Variants in FAT3 observed in about 807,000 individuals in gnomAD.
FAT3 encodes FAT atypical cadherin 3.
FAT3 carries 95 observed loss-of-function variants against 310.2 expected under a neutral mutation model. That is an observed-to-expected ratio of 0.31 (90% CI 0.26 to 0.36). The LOEUF (loss-of-function observed/expected upper bound fraction) is 0.36, where lower values mean the gene tolerates loss of function less well. Ranked by LOEUF, FAT3 falls within the 10% of genes least tolerant of loss-of-function variation. The pLI, the probability that FAT3 is intolerant of heterozygous loss-of-function variation, is 1.00. For synonymous variants in FAT3, 2,314 were observed against 2,192.9 expected, an observed-to-expected ratio of 1.06 and a Z score of -1.54; for missense variants, 5,408 against 5,715.6, an observed-to-expected ratio of 0.95 and a Z score of 1.74.
At chr11:92,251,956 A>ATATCTTT (rs1237574268) in intron 1 of FAT3, among the ~76,000 whole-genome samples, 4 of 152,188 alleles carry the variant, frequency 2.6e-5, no homozygotes, top group African/African-American at 9.7e-5. Context: ...TTGGGAAACC[A>ATATCTTT]TATCTTTTCT....
rs190178549 is a variant in FAT3 at position 92,243,825 on chromosome 11, C to G, written c.-18+18651C>G. 2.0e-4 allele frequency among the ~76,000 whole-genome samples: 30 copies of G among 152,134 alleles called. No individual in the cohort carries two copies. In the East Asian group the frequency reaches 5.2e-3, roughly 26 times the overall value. On this transcript the variant is annotated intron_variant, in intron 1 of 27. Coordinates refer to ENST00000525166, the MANE Select transcript of FAT3 (RefSeq NM_001367949.2). ...AACCATGAAATTTTGATTTGGGTAT[C>G]ATTTTTAAACAATGGAACCAATCTT... is the stretch of plus-strand genomic sequence containing the variant.
chr11:92,665,131 TA>T (rs1942910093), intron 3 of FAT3, among the ~76,000 whole-genome samples: 2 of 152,284 alleles, frequency 1.3e-5, no homozygotes, highest in South Asian at 4.1e-4. Context: ...TTTAATATTG[TA>T]AGATGGAAGA....
chr11:92,867,910 T>TA (rs11388066), intron 22 of FAT3, among the ~76,000 whole-genome samples: 126,119 of 151,360 alleles, frequency 0.83, 52,852 homozygotes, highest in African/African-American at 0.91. Context: ...GAGTAGGCAT[T>TA]AAAAAAAAGC....
In FAT3 at chr11:92,851,671, G is replaced by T. The variant is rs1948833114; in HGVS notation, c.11366-5543G>T. Among the ~76,000 whole-genome samples the T allele has an allele frequency of 2.0e-5, 3 of 152,222 alleles. No individual in the cohort carries two copies. The South Asian group carries it at 6.2e-4, about 32-fold the overall frequency. ...GGCGTCAGTTGGTTTGATGAAGTGGGACCCTTCCCCCTTCATGCTTACTGT... is the reference window on the plus strand; with the variant it reads ...GGCGTCAGTTGGTTTGATGAAGTGGTACCCTTCCCCCTTCATGCTTACTGT... On this transcript the variant is annotated intron_variant, in intron 19 of 27. Coordinates refer to ENST00000525166, the MANE Select transcript of FAT3 (RefSeq NM_001367949.2).
intron 1 of FAT3, among the ~76,000 whole-genome samples, chr11:92,248,491 T>C (rs151254555): frequency 6.6e-6 from 1 of 152,270 alleles, no homozygotes; most frequent in Non-Finnish European, 1.5e-5. Context: ...CATATCTGTA[T>C]TGCTAGAATG....
At chr11:92,416,252 C>T (rs1198993298) in intron 2 of FAT3, among the ~76,000 whole-genome samples, 1 of 149,788 alleles carries the variant, frequency 6.7e-6, no homozygotes, top group African/African-American at 2.5e-5. Flanking sequence ...GGTGTGGTGG[C>T]ACGCACCTGT....
intron 13 of FAT3, among the ~76,000 whole-genome samples, chr11:92,829,687 G>A (rs1209418885): frequency 6.6e-6 from 1 of 152,166 alleles, no homozygotes; most frequent in Admixed American, 6.5e-5. Flanking sequence ...CAAGAGAAGA[G>A]GAAAGCTTTC....
chr11:92,698,111 T>A (rs1943992912), intron 4 of FAT3, among the ~76,000 whole-genome samples: 1 of 152,214 alleles, frequency 6.6e-6, no homozygotes, highest in Non-Finnish European at 1.5e-5. Context: ...GTGATTTAAT[T>A]GTGACTGTGT....
rs371844782 is a variant in FAT3, at chr11:92,306,981, T to G, written c.-17-45115T>G. Among the ~76,000 whole-genome samples the G allele has an allele frequency of 5.3e-5, 8 of 150,676 alleles. No homozygotes were observed. In the East Asian group the frequency reaches 1.6e-3, roughly 29 times the overall value. On this transcript the variant is annotated intron_variant, in intron 1 of 27. Transcript: ENST00000525166. ...ATTTTTTTTTTAATTTTATTTGTAG[T>G]AGAGACAGTTTCTCTATGTTGCCCA...
In FAT3 at chr11:92,673,448, G is replaced by C. The variant is rs140264340; in HGVS notation, c.3608-23936G>C. ...TTTAGATAACTCATGGTAGAGTTCA[G>C]GCAAGTACATCAGCAATAACAGGTG... On this transcript the variant is annotated intron_variant, in intron 3 of 27. Transcript: ENST00000525166. 7.5e-3 allele frequency among the ~76,000 whole-genome samples: 1,138 copies of C among 152,248 alleles called. 23 individuals carry two copies. The highest frequency in any genetic ancestry group is 0.026 in the African/African-American group (1,088 of 41,534).
chr11:92,409,887 T>G (rs368423783), intron 2 of FAT3, among the ~76,000 whole-genome samples: 1 of 152,102 alleles, frequency 6.6e-6, no homozygotes, highest in East Asian at 1.9e-4. Context: ...AGAACTTTAA[T>G]TTTTCTGAAT....
intron 1 of FAT3, among the ~76,000 whole-genome samples, chr11:92,290,656 C>G (rs1334576576): frequency 6.6e-6 from 1 of 151,492 alleles, no homozygotes; most frequent in Non-Finnish European, 1.5e-5. Flanking sequence ...CTAAGCTACT[C>G]AGGAGATTGA....
intron 2 of FAT3, among the ~76,000 whole-genome samples, chr11:92,517,347 T>A (rs1009038256): frequency 2.0e-5 from 3 of 152,166 alleles, no homozygotes; most frequent in Non-Finnish European, 4.4e-5. Flanking sequence ...CCATCTGATC[T>A]TTGATAAACC....
intron 1 of FAT3, among the ~76,000 whole-genome samples, chr11:92,347,764 G>T (rs1948455671): frequency 6.6e-6 from 1 of 152,190 alleles, no homozygotes; most frequent in Non-Finnish European, 1.5e-5. Flanking sequence ...ATGGCTTGAT[G>T]ATCTCTTTGG....
Position 92,799,916 on chromosome 11 carries a change from T to C in FAT3, c.6903T>C (p.Leu2301=), listed in dbSNP as rs1000142605. ...ATACAACACTATCAGAAGCATCTCT[T>C]ATTGGGACACCTGTTTTACAAGTTG... is the stretch of plus-strand genomic sequence containing the variant. ...TYNTTLSEAS[L]IGTPVLQVVS... The change falls in exon 10 of 28, where the codon CTT becomes CTC. Residue 2301 remains leucine (L), a synonymous_variant. Transcript: ENST00000525166. 6.2e-7 allele frequency: 1 copy of C among 1,612,834 alleles called. No homozygotes were observed. Among genetic ancestry groups the C allele is most frequent in the Non-Finnish European group, 8.5e-7 (1 of 1,179,370 alleles).
Position 92,352,818 on chromosome 11 carries a change from C to T in FAT3, c.706C>T (p.Arg236Trp), listed in dbSNP as rs267603238. 67 of 1,613,612 alleles carry T rather than the reference C, an allele frequency of 4.2e-5. No individual in the cohort carries two copies. The highest frequency in any genetic ancestry group is 4.4e-5 in the South Asian group (4 of 91,076). ...RYDLEILAVD[R>W]GMKLYGNNGV... ...TGATCTGGAAATTTTGGCTGTGGACCGGGGAATGAAACTGTATGGGAACAA... is the reference window on the plus strand; with the variant it reads ...TGATCTGGAAATTTTGGCTGTGGACTGGGGAATGAAACTGTATGGGAACAA... The change falls in exon 2 of 28, where the codon CGG becomes TGG. Residue 236 changes from arginine to tryptophan, a missense_variant. Physicochemically the swap from Arg to Trp is moderately radical, Grantham distance 101 (BLOSUM62 -3). Around this residue, in one of 5 missense-constraint regions of FAT3, gnomAD observed 4,588 missense variants for 4,809.8 expected, o/e 0.95. Coordinates refer to ENST00000525166, the MANE Select transcript of FAT3 (RefSeq NM_001367949.2).
intron 3 of FAT3, among the ~76,000 whole-genome samples, chr11:92,563,045 T>C (rs114414368): frequency 6.6e-6 from 1 of 152,096 alleles, no homozygotes; most frequent in Non-Finnish European, 1.5e-5. Flanking sequence ...TTGAAAAAAA[T>C]TTTTTGAACA....
At chr11:92,822,413 T>C (rs1434529574) in intron 13 of FAT3, among the ~76,000 whole-genome samples, 1 of 151,994 alleles carries the variant, frequency 6.6e-6, no homozygotes, top group Non-Finnish European at 1.5e-5. Flanking sequence ...CTAATATAGC[T>C]AGGAAAATCT....
intron 1 of FAT3, among the ~76,000 whole-genome samples, chr11:92,237,245 G>A (rs1565171473): frequency 1.3e-5 from 2 of 152,106 alleles, no homozygotes; most frequent in African/African-American, 4.8e-5. Context: ...TAGATGAAAG[G>A]GTATTTTGAT....
Sources: allele counts gnomAD v4.1 joint callset (sites outside exome capture counted in the v4.1 genomes callset), GRCh38; gene constraint gnomAD v4.1.1; regional missense constraint gnomAD v4.1.1; transcripts MANE v1.5; gene names NCBI Gene and HGNC (gene_info 2026-07-23, HGNC 2026-07-21).